H3C4: variants seen among roughly 807,000 people sequenced by gnomAD.
The protein encoded by H3C4 is histone H3.1.
A neutral mutation model predicts 8.7 loss-of-function variants in H3C4; 10 were observed. That is an observed-to-expected ratio of 1.15 (90% CI 0.71 to 1.96). The LOEUF (loss-of-function observed/expected upper bound fraction) is 1.96, where lower values mean the gene tolerates loss of function less well. Among genes scored for constraint, H3C4 ranks in the 30% most tolerant of loss-of-function variants. The pLI is 0.00. For missense variants in H3C4, 216 were observed against 192.9 expected, an observed-to-expected ratio of 1.12 and a Z score of -0.71; for synonymous variants, 141 against 80.1, an observed-to-expected ratio of 1.76 and a Z score of -4.06.
At chr6:26,199,194 G>T (rs141689063), upstream of H3C4, 2 of 1,613,584 alleles carry the variant, frequency 1.2e-6, no homozygotes, top group Non-Finnish European at 1.7e-6. Context: ...CGAAGAGCGG[G>T]TCTTAGCCTT....
At position 26,197,089 on chromosome 6, in the gene H3C4, G is replaced by C; in HGVS notation, c.162C>G (p.Arg54=). Residue 54 remains arginine, a synonymous_variant, in exon 1 of 1, where the codon CGC becomes CGG. Transcript: ENST00000356476. The part of the protein sequence containing the change: ...PGTVALREIR[R]YQKSTELLIR... ...TCAGCAGCTCGGTCGACTTCTGGTA[G>C]CGGCGGATCTCGCGCAGAGCCACCG... 1 of 1,614,222 alleles carries C rather than the reference G, an allele frequency of 6.2e-7. No homozygotes were observed. The highest frequency in any genetic ancestry group is 8.5e-7 in the Non-Finnish European group (1 of 1,180,046).
chr6:26,198,311 G>T (rs1765029159), upstream of H3C4, among the ~76,000 whole-genome samples: 1 of 152,110 alleles, frequency 6.6e-6, no homozygotes, highest in African/African-American at 2.4e-5. Flanking sequence ...AAGTCTCTTT[G>T]CATTTTAATT....
upstream of H3C4, chr6:26,197,340 A>T (rs1191762561): frequency 1.4e-6 from 2 of 1,413,588 alleles, no homozygotes; most frequent in Non-Finnish European, 1.9e-6. Flanking sequence ...TTCTGATTGG[A>T]CAAGGCAGCC....
At position 26,196,903 on chromosome 6, in the gene H3C4, C is replaced by T. The variant is rs762710751; in HGVS notation, c.348G>A (p.Lys116=). The T allele has an allele frequency of 1.5e-5, 25 of 1,614,260 alleles. No individual in the cohort carries two copies. Among genetic ancestry groups the T allele is most frequent in the African/African-American group, 2.7e-5 (2 of 75,078 alleles). Residue 116 remains lysine, a synonymous_variant, in exon 1 of 1, where the codon AAG becomes AAA. Transcript: ENST00000356476. ...EDTNLCAIHA[K]RVTIMPKDIQ... ...TGTCCTTGGGCATGATAGTCACTCGCTTGGCGTGAATGGCGCATAGGTTGG... is the reference window on the plus strand; with the variant it reads ...TGTCCTTGGGCATGATAGTCACTCGTTTGGCGTGAATGGCGCATAGGTTGG...
At chr6:26,199,086 G>A (rs145350053), upstream of H3C4, 8 of 1,614,048 alleles carry the variant, frequency 5.0e-6, no homozygotes, top group Middle Eastern at 1.6e-4. Flanking sequence ...CAACACCGCC[G>A]CCAGATACAC....
At chr6:26,199,007 G>T, upstream of H3C4, 1 of 1,614,174 alleles carries the variant, frequency 6.2e-7, no homozygotes, top group Middle Eastern at 1.7e-4. Context: ...GTCGGGGGAT[G>T]ATGCGGGTCT....
Position 26,196,833 on chromosome 6 carries a change from A to T in H3C4, c.*7T>A. The T allele has an allele frequency of 6.2e-7, 1 of 1,614,170 alleles. No homozygotes were observed. Among genetic ancestry groups the T allele is most frequent in the South Asian group, 1.1e-5 (1 of 91,086 alleles). ...GGGTTTTGGTTAGCACACATTCACA[A>T]GACAATTTACGCCCTCTCCCCACGA... On this transcript the variant is annotated 3_prime_UTR_variant, in exon 1 of 1. Transcript: ENST00000356476.
In H3C4 at chr6:26,197,119, G is replaced by A. The variant is rs762957938; in HGVS notation, c.132C>T (p.Pro44=). The A allele has an allele frequency of 9.3e-6, 15 of 1,614,172 alleles. No homozygotes were observed. The highest frequency in any genetic ancestry group is 1.7e-5 in the Admixed American group (1 of 60,030). ...GGVKKPHRYR[P]GTVALREIRR... The stretch of plus-strand genomic sequence containing the variant: ...GGATCTCGCGCAGAGCCACCGTGCC[G>A]GGCCGGTAACGGTGGGGCTTCTTCA... The change falls in exon 1 of 1, where the codon CCC becomes CCT. Residue 44 remains proline, a synonymous_variant. Coordinates refer to ENST00000356476, the MANE Select transcript of H3C4 (RefSeq NM_001376937.1).
In H3C4 at chr6:26,196,872, G is replaced by C. The variant is rs756269607; in HGVS notation, c.379C>G (p.Leu127Val). ...RVTIMPKDIQ[L>V]ARRIRGERA ...CTCTCCCCACGAATGCGGCGAGCAA[G>C]CTGGATGTCCTTGGGCATGATAGTC... Residue 127 changes from leucine (L) to valine (V), a missense_variant, in exon 1 of 1, where the codon CTT (leucine) becomes GTT (valine). Transcript: ENST00000356476. 6.2e-7 allele frequency: 1 copy of C among 1,614,232 alleles called. No homozygotes were observed. Among genetic ancestry groups the C allele is most frequent in the Non-Finnish European group, 8.5e-7 (1 of 1,180,034 alleles).
chr6:26,199,200 G>T, upstream of H3C4: 1 of 1,612,756 alleles, frequency 6.2e-7, no homozygotes, highest in Non-Finnish European at 8.5e-7. Flanking sequence ...GCGGGTCTTA[G>T]CCTTAGCTCG....
At chr6:26,198,947 A>G (rs1765054662), upstream of H3C4, 2 of 1,614,000 alleles carry the variant, frequency 1.2e-6, no homozygotes, top group Non-Finnish European at 1.7e-6. Flanking sequence ...TTGTGACTTT[A>G]CCCAGCAACT....
upstream of H3C4, among the ~76,000 whole-genome samples, chr6:26,197,799 T>G (rs2113857720): frequency 6.9e-6 from 1 of 145,870 alleles, no homozygotes; most frequent in South Asian, 2.2e-4. Flanking sequence ...ATGAACACAT[T>G]TAATTTCACC....
Position 26,197,016 on chromosome 6 carries a change from A to G in H3C4, c.235T>C (p.Phe79Leu). ...CTCTGAAAACGCAGATCAGTCTTGA[A>G]GTCCTGCGCGATCTCACGGACTAGA... is the stretch of plus-strand genomic sequence containing the variant. ...QRLVREIAQD[F>L]KTDLRFQSSA... The change falls in exon 1 of 1, where the codon TTC becomes CTC. Residue 79 changes from phenylalanine to leucine, a missense_variant. Coordinates refer to ENST00000356476, the MANE Select transcript of H3C4 (RefSeq NM_001376937.1). The G allele has an allele frequency of 6.2e-7, 1 of 1,614,246 alleles. No individual in the cohort carries two copies. Among genetic ancestry groups the G allele is most frequent in the Non-Finnish European group, 8.5e-7 (1 of 1,180,036 alleles).
chr6:26,198,827 A>G (rs1252396417), upstream of H3C4: 5 of 1,602,744 alleles, frequency 3.1e-6, no homozygotes, highest in East Asian at 2.2e-5. Flanking sequence ...GCTTCCTTAA[A>G]AAGCCAATAT....
chr6:26,196,812 T>C lies in H3C4; in HGVS notation c.*28A>G. 1.2e-6 allele frequency: 2 copies of C among 1,612,052 alleles called. No homozygotes were observed. The highest frequency in any genetic ancestry group is 1.7e-6 in the Non-Finnish European group (2 of 1,179,320). The stretch of plus-strand genomic sequence containing the variant: ...TTGGCTCTGAAAAGAGCCTTTGGGT[T>C]TTGGTTAGCACACATTCACAAGACA... On this transcript the variant is annotated 3_prime_UTR_variant, in exon 1 of 1. Transcript: ENST00000356476.
chr6:26,197,143 C>A lies in H3C4; in HGVS notation c.108G>T (p.Val36=), dbSNP rs1320408058. 1.9e-6 allele frequency: 3 copies of A among 1,614,164 alleles called. No homozygotes were observed. The highest frequency in any genetic ancestry group is 2.5e-6 in the Non-Finnish European group (3 of 1,180,022). ...CGGGCCGGTAACGGTGGGGCTTCTT[C>A]ACGCCGCCGGTGGCTGGAGCGCTCT... ...ARKSAPATGG[V]KKPHRYRPGT... is the part of the protein sequence containing the mutation. Residue 36 remains valine (V), a synonymous_variant, in exon 1 of 1, where the codon GTG becomes GTT. Transcript: ENST00000356476.
rs1038639688 is a variant in H3C4, at chr6:26,196,842, A to G, written c.409T>C (p.Ter137GlnextTer4). Residue 137 changes from the stop codon to glutamine, a stop_lost, in exon 1 of 1, where the codon TAA (stop) becomes CAA (glutamine). Transcript: ENST00000356476. Reference protein sequence around the residue: ...LARRIRGERA* With the variant: ...LARRIRGERAQ ...TTAGCACACATTCACAAGACAATTT[A>G]CGCCCTCTCCCCACGAATGCGGCGA... 1.9e-6 allele frequency: 3 copies of G among 1,614,024 alleles called. No individual in the cohort carries two copies. Among genetic ancestry groups the G allele is most frequent in the Admixed American group, 1.7e-5 (1 of 59,990 alleles).
In H3C4 at chr6:26,197,246, G is replaced by A; in HGVS notation, c.5C>T (p.Ala2Val). The change falls in exon 1 of 1, where the codon GCT (alanine) becomes GTT (valine). Residue 2 changes from alanine (A) to valine (V), a missense_variant. Physicochemically the swap from Ala to Val is moderately conservative, Grantham distance 64. Coordinates refer to ENST00000356476, the MANE Select transcript of H3C4 (RefSeq NM_001376937.1). ...CTTGCGAGCAGTCTGCTTGGTACGA[G>A]CCATTGCGAACTTCTAAACCCTGCT... Reference protein sequence around the residue: MARTKQTARKST... With the variant: MVRTKQTARKST... The A allele has an allele frequency of 1.2e-6, 2 of 1,610,428 alleles. No individual in the cohort carries two copies. The highest frequency in any genetic ancestry group is 1.7e-6 in the Non-Finnish European group (2 of 1,179,122).
chr6:26,197,575 G>A (rs1765005173), upstream of H3C4, among the ~76,000 whole-genome samples: 1 of 151,932 alleles, frequency 6.6e-6, no homozygotes, highest in South Asian at 2.1e-4. Flanking sequence ...TTTTTTAAAT[G>A]TTGGCGCTGA....
Sources: gnomAD v4.1 joint callset for allele counts (sites outside exome capture counted in the v4.1 genomes callset) on GRCh38, gnomAD v4.1.1 for gene constraint, MANE v1.5 for transcripts, NCBI Gene and HGNC (gene_info 2026-07-23, HGNC 2026-07-21) for gene names.